Variants in MTA3 observed in about 807,000 individuals in gnomAD.
MTA3 encodes the protein metastasis associated 1 family member 3.
MTA3 carries 34 observed loss-of-function variants against 83.5 expected under a neutral mutation model. The observed-to-expected ratio is 0.41, with a 90% CI of 0.31 to 0.54. The LOEUF (loss-of-function observed/expected upper bound fraction) is 0.54, where lower values mean the gene tolerates loss of function less well. Ranked by LOEUF, MTA3 falls within the 20% of genes least tolerant of loss-of-function variation. The probability of loss-of-function intolerance (pLI) is 0.33; values close to 1 mark genes in which losing one functional copy is unlikely to be tolerated. For synonymous variants in MTA3, 303 were observed against 252.7 expected (o/e 1.20, Z -1.89); for missense variants, 761 against 726.4 (o/e 1.05, Z -0.55).
chr2:42,753,721 C>G lies in MTA3; in HGVS notation c.*322C>G, dbSNP rs1670051221. 4.2e-6 allele frequency: 5 copies of G among 1,179,636 alleles called. No homozygotes were observed. Among genetic ancestry groups the G allele is most frequent in the Non-Finnish European group, 5.3e-6 (5 of 946,318 alleles). The allele number at this position is 1,179,636 out of a possible 1,614,324, so 73.1% of individuals were successfully genotyped here. On this transcript the variant is annotated 3_prime_UTR_variant, in exon 17 of 17. Transcript: ENST00000405094. ...CAGCGCCCTGCGCCCCACCCAGCAA[C>G]AGCGGCCACTTGGCAGTGGGGCTGC...
chr2:42,577,804 A>AC (rs1293690860), intron 2 of MTA3, among the ~76,000 whole-genome samples: 2 of 152,142 alleles, frequency 1.3e-5, no homozygotes, highest in African/African-American at 4.8e-5. Context: ...TCAAGAAGAG[A>AC]CAAAAATCAC....
At chr2:42,672,844 A>G (rs1306046220) in intron 8 of MTA3, among the ~76,000 whole-genome samples, 1 of 100,110 alleles carries the variant, frequency 1.0e-5, no homozygotes, top group East Asian at 3.1e-4. Context: ...ACGTATAAAA[A>G]GCTTTTTTTT....
chr2:42,559,694 C>T (rs1677573470), intron 2 of MTA3, among the ~76,000 whole-genome samples: 1 of 151,026 alleles, frequency 6.6e-6, no homozygotes, highest in Admixed American at 6.6e-5. Context: ...GCCTGACCAA[C>T]ATGGAGAAAC....
intron 2 of MTA3, among the ~76,000 whole-genome samples, chr2:42,577,271 G>A (rs1679164876): frequency 6.6e-6 from 1 of 151,628 alleles, no homozygotes; most frequent in Non-Finnish European, 1.5e-5. Context: ...GCTGGAGAGG[G>A]TGTGTTTGTA....
chr2:42,525,491 C>CTTCCTTCT (rs1553337635), intron 2 of MTA3, among the ~76,000 whole-genome samples: 1 of 149,322 alleles, frequency 6.7e-6, no homozygotes, highest in Non-Finnish European at 1.5e-5. Context: ...TCCTTCCTTC[C>CTTCCTTCT]TTCCTTCCTT....
chr2:42,544,041 A>G (rs1435932075), intron 2 of MTA3, among the ~76,000 whole-genome samples: 3 of 152,120 alleles, frequency 2.0e-5, no homozygotes, highest in Non-Finnish European at 4.4e-5. Flanking sequence ...CCCCATGGTC[A>G]TAAGATGTTT....
At chr2:42,507,986 C>A (rs546672886) in intron 2 of MTA3, among the ~76,000 whole-genome samples, 87 of 151,858 alleles carry the variant, frequency 5.7e-4, no homozygotes, top group African/African-American at 2.1e-3. Context: ...TAAAAAAAAT[C>A]TGAGCATGTA....
At chr2:42,630,244 T>C (rs927939223) in intron 4 of MTA3, among the ~76,000 whole-genome samples, 3 of 152,186 alleles carry the variant, frequency 2.0e-5, no homozygotes, top group African/African-American at 7.2e-5. Flanking sequence ...TGAGCCAAAG[T>C]GCAGCCTGAT....
chr2:42,507,353 A>G (rs998375657), intron 2 of MTA3, among the ~76,000 whole-genome samples: 1 of 151,820 alleles, frequency 6.6e-6, no homozygotes, highest in East Asian at 1.9e-4. Flanking sequence ...ATTTTTTTAT[A>G]TAGAGATGGG....
At chr2:42,614,642 T>TATA (rs1684632759) in intron 4 of MTA3, among the ~76,000 whole-genome samples, 1 of 151,560 alleles carries the variant, frequency 6.6e-6, no homozygotes, top group African/African-American at 2.4e-5. Flanking sequence ...CCCAGTCTTA[T>TATA]ATATAACTCG....
rs550495957 is a variant in MTA3, at chr2:42,587,192, C to CA, written c.190+8002dup. 5.3e-3 allele frequency among the ~76,000 whole-genome samples: 774 copies of CA among 144,902 alleles called. 5 individuals carry two copies. The highest frequency in any genetic ancestry group is 7.8e-3 in the Non-Finnish European group (513 of 65,920). On this transcript the variant is annotated intron_variant, in intron 3 of 16. Coordinates refer to ENST00000405094, the MANE Select transcript of MTA3 (RefSeq NM_001330442.2). The stretch of plus-strand genomic sequence containing the variant: ...TGGGTGACACAGTGAGACTCTGTCT[C>CA]AAAAAAAAAAGTAAAATAAAAAATA...
rs1437288963 is a variant in MTA3, at chr2:42,605,086, A to G, written c.191-4372A>G. The stretch of plus-strand genomic sequence containing the variant: ...CCATTGTCATCCTGGCCCGTTCTCA[A>G]TGAGCTGTTGGGTACACCTCCCAGA... On this transcript the variant is annotated intron_variant, in intron 3 of 16. Coordinates refer to ENST00000405094, the MANE Select transcript of MTA3 (RefSeq NM_001330442.2). Among the ~76,000 whole-genome samples the G allele has an allele frequency of 2.7e-5, 4 of 150,798 alleles. No homozygotes were observed. The South Asian group carries it at 6.3e-4, about 24-fold the overall frequency.
Position 42,640,182 on chromosome 2 carries a change from C to T in MTA3, c.327C>T (p.Cys109=). 1 of 1,604,830 alleles carries T rather than the reference C, an allele frequency of 6.2e-7. No individual in the cohort carries two copies. Among genetic ancestry groups the T allele is most frequent in the Non-Finnish European group, 8.5e-7 (1 of 1,176,294 alleles). The change falls in exon 5 of 17, where the codon TGC becomes TGT. Residue 109 remains cysteine, a synonymous_variant. Transcript: ENST00000405094. ...TTTTCTTTTTCAACAGGGGAAAGTG[C>T]AGTGTTGCCCTTCTGAATGAGACAG... ...SLPATHIRGK[C]SVALLNETES... is the part of the protein sequence containing the mutation.
At chr2:42,675,280 C>T (rs1040139554) in intron 8 of MTA3, among the ~76,000 whole-genome samples, 4 of 151,918 alleles carry the variant, frequency 2.6e-5, no homozygotes, top group Non-Finnish European at 4.4e-5. Context: ...GGACTACAGG[C>T]GCATGCCACC....
At chr2:42,593,386 A>G (rs569443246) in intron 3 of MTA3, among the ~76,000 whole-genome samples, 2 of 152,122 alleles carry the variant, frequency 1.3e-5, no homozygotes, top group Non-Finnish European at 2.9e-5. Flanking sequence ...AAATACATAA[A>G]TCAGTAACAT....
intron 3 of MTA3, among the ~76,000 whole-genome samples, chr2:42,601,219 T>C (rs1213147918): frequency 6.6e-6 from 1 of 152,210 alleles, no homozygotes; most frequent in Admixed American, 6.6e-5. Context: ...TTTATTATTA[T>C]AAATCAACTT....
chr2:42,733,639 T>C (rs1668395367), intron 16 of MTA3, among the ~76,000 whole-genome samples: 2 of 152,194 alleles, frequency 1.3e-5, no homozygotes, highest in South Asian at 4.1e-4. Context: ...CAGGAGCATA[T>C]TGTGTTTTTG....
chr2:42,640,268 T>C, intron 5 of MTA3, 32 bp downstream of exon 5: 1 of 1,475,062 alleles, frequency 6.8e-7, no homozygotes, highest in Non-Finnish European at 9.3e-7. Flanking sequence ...TTTGTTTTTT[T>C]CTCCCTTTAT....
At chr2:42,727,578 G>A (rs1667915661) in intron 16 of MTA3, among the ~76,000 whole-genome samples, 1 of 152,272 alleles carries the variant, frequency 6.6e-6, no homozygotes, top group East Asian at 1.9e-4. Context: ...AAGGCAGCAG[G>A]GGGAGATGGA....
Sources: allele counts gnomAD v4.1 joint callset (sites outside exome capture counted in the v4.1 genomes callset), GRCh38; gene constraint gnomAD v4.1.1; transcripts MANE v1.5; gene names NCBI Gene and HGNC (gene_info 2026-07-23, HGNC 2026-07-21).